The following ZNF804B variants were observed in gnomAD, a reference collection of about 807,000 sequenced individuals.
ZNF804B encodes zinc finger protein 804B.
ZNF804B carries 80 observed loss-of-function variants against 101.4 expected under a neutral mutation model. The observed-to-expected ratio is 0.79, with a 90% CI of 0.66 to 0.95. The LOEUF (loss-of-function observed/expected upper bound fraction) is 0.95, where lower values mean the gene tolerates loss of function less well. ZNF804B is among the 40% of genes least tolerant of loss of function. The probability of loss-of-function intolerance (pLI) is 0.00; values close to 1 mark genes in which losing one functional copy is unlikely to be tolerated. For missense variants in ZNF804B, 1,673 were observed against 1,561.9 expected, an observed-to-expected ratio of 1.07 and a Z score of -1.20; for synonymous variants, 622 against 558.8, an observed-to-expected ratio of 1.11 and a Z score of -1.59.
intron 2 of ZNF804B, among the ~76,000 whole-genome samples, chr7:89,320,839 T>A (rs908194799): frequency 1.1e-4 from 16 of 152,006 alleles, no homozygotes; most frequent in African/African-American, 3.6e-4. Context: ...AGAAAAAGCA[T>A]GCAACTAAAT....
intron 2 of ZNF804B, among the ~76,000 whole-genome samples, chr7:89,272,015 C>T (rs1338751813): frequency 1.3e-5 from 2 of 151,932 alleles, no homozygotes; most frequent in Non-Finnish European, 2.9e-5. Context: ...TTTTAGCTTA[C>T]AACATAAGGT....
intron 1 of ZNF804B, among the ~76,000 whole-genome samples, chr7:88,786,447 C>G (rs1190490418): frequency 6.6e-6 from 1 of 151,848 alleles, no homozygotes; most frequent in Non-Finnish European, 1.5e-5. Context: ...TTTTTTTTCT[C>G]TTTACTGAAT....
intron 2 of ZNF804B, among the ~76,000 whole-genome samples, chr7:89,220,082 C>CAT (rs372671506): frequency 0.013 from 565 of 44,088 alleles, 177 homozygotes; most frequent in Middle Eastern, 0.052. Context: ...TGTGTATATA[C>CAT]ATATATATAC....
rs539744919 is a variant in ZNF804B at position 88,884,479 on chromosome 7, C to T, written c.108+124395C>T. On this transcript the variant is annotated intron_variant, in intron 1 of 3. Coordinates refer to ENST00000333190, the MANE Select transcript of ZNF804B (RefSeq NM_181646.5). The stretch of plus-strand genomic sequence containing the variant: ...CTATCTTCTATCTATCTAATTTTGG[C>T]GTTTTATCTTAAAGTTTAAAAAAAT... 1.9e-3 allele frequency among the ~76,000 whole-genome samples: 288 copies of T among 151,486 alleles called. 2 individuals carry two copies. The highest frequency in any genetic ancestry group is 6.6e-3 in the African/African-American group (274 of 41,436).
At chr7:89,279,351 C>T (rs1790042687) in intron 2 of ZNF804B, among the ~76,000 whole-genome samples, 1 of 151,156 alleles carries the variant, frequency 6.6e-6, no homozygotes, top group Non-Finnish European at 1.5e-5. Context: ...ATTTCCTTCT[C>T]CTGCCTAATT....
chr7:89,232,992 A>G (rs943713461), intron 2 of ZNF804B, among the ~76,000 whole-genome samples: 2 of 151,690 alleles, frequency 1.3e-5, no homozygotes, highest in Non-Finnish European at 2.9e-5. Context: ...CGCGATCTCC[A>G]CTCACTGCAA....
At chr7:89,177,853 T>C (rs959014574) in intron 1 of ZNF804B, among the ~76,000 whole-genome samples, 7 of 151,680 alleles carry the variant, frequency 4.6e-5, no homozygotes, top group African/African-American at 1.2e-4. Context: ...GAGAATGGCA[T>C]GAACCTGGGA....
At chr7:89,328,572 C>T (rs1382207011) in intron 3 of ZNF804B, among the ~76,000 whole-genome samples, 1 of 151,762 alleles carries the variant, frequency 6.6e-6, no homozygotes, top group Non-Finnish European at 1.5e-5. Flanking sequence ...CAATGAGGGA[C>T]TTACAATATG....
At chr7:88,958,723 C>T (rs10486887) in intron 1 of ZNF804B, among the ~76,000 whole-genome samples, 58,146 of 151,132 alleles carry the variant, frequency 0.38, 11,767 homozygotes, top group Non-Finnish European at 0.44. Context: ...CGAAGAGTAA[C>T]TTGTTGCATT....
At position 89,014,101 on chromosome 7, in the gene ZNF804B, C is replaced by A. The variant is rs1055885877; in HGVS notation, c.109-204054C>A. Among the ~76,000 whole-genome samples, 3 of 152,150 alleles carry A rather than the reference C, an allele frequency of 2.0e-5. No homozygotes were observed. In the South Asian group the frequency reaches 6.2e-4, roughly 32 times the overall value. ...GGAATTGTTGAATCATATGGTAGTT[C>A]TATTTGTAGTTTTTTAGGAGCCTCT... On this transcript the variant is annotated intron_variant, in intron 1 of 3. Transcript: ENST00000333190.
At chr7:88,907,297 C>CT (rs1172681091) in intron 1 of ZNF804B, among the ~76,000 whole-genome samples, 2 of 151,878 alleles carry the variant, frequency 1.3e-5, no homozygotes, top group African/African-American at 4.8e-5. Flanking sequence ...GTTCTTCACT[C>CT]TATGTTTTTT....
chr7:89,214,307 G>T (rs1370087101), intron 1 of ZNF804B, among the ~76,000 whole-genome samples: 1 of 150,536 alleles, frequency 6.6e-6, no homozygotes, highest in Non-Finnish European at 1.5e-5. Context: ...TGTCAGATAA[G>T]CTTTCAAAAC....
intron 1 of ZNF804B, among the ~76,000 whole-genome samples, chr7:89,040,190 C>T (rs369024624): frequency 1.3e-5 from 2 of 151,890 alleles, no homozygotes; most frequent in South Asian, 2.1e-4. Flanking sequence ...ATTTCTTTTT[C>T]ATCTCATAAA....
intron 1 of ZNF804B, among the ~76,000 whole-genome samples, chr7:88,921,236 G>C (rs569993239): frequency 1.3e-5 from 2 of 152,140 alleles, no homozygotes; most frequent in East Asian, 3.9e-4. Flanking sequence ...GTTGGTGGAA[G>C]GAGAGGAGTG....
intron 1 of ZNF804B, among the ~76,000 whole-genome samples, chr7:88,806,214 A>T (rs958168743): frequency 1.3e-5 from 2 of 152,174 alleles, no homozygotes; most frequent in Non-Finnish European, 2.9e-5. Flanking sequence ...ATAAAGGCAA[A>T]GTTCTCAAAA....
chr7:88,818,717 C>A (rs1226590835), intron 1 of ZNF804B, among the ~76,000 whole-genome samples: 1 of 152,150 alleles, frequency 6.6e-6, no homozygotes, highest in Non-Finnish European at 1.5e-5. Flanking sequence ...TGACTTTCTC[C>A]TCTGCCACTT....
intron 1 of ZNF804B, among the ~76,000 whole-genome samples, chr7:89,196,020 C>T (rs1788544782): frequency 6.6e-6 from 1 of 152,012 alleles, no homozygotes; most frequent in Non-Finnish European, 1.5e-5. Flanking sequence ...ATTAAACTAC[C>T]ATCGACATTC....
intron 1 of ZNF804B, among the ~76,000 whole-genome samples, chr7:88,965,501 G>A (rs1208217349): frequency 6.6e-6 from 1 of 151,448 alleles, no homozygotes; most frequent in Middle Eastern, 3.2e-3. Context: ...GTGATGAGGA[G>A]CCTTATGTGA....
chr7:89,264,184 C>T (rs953439394), intron 2 of ZNF804B, among the ~76,000 whole-genome samples: 1 of 152,104 alleles, frequency 6.6e-6, no homozygotes, highest in African/African-American at 2.4e-5. Flanking sequence ...TCTGCTTTAC[C>T]AACAAACGTC....
Sources: gnomAD v4.1 joint callset for allele counts (sites outside exome capture counted in the v4.1 genomes callset) on GRCh38, gnomAD v4.1.1 for gene constraint, MANE v1.5 for transcripts, NCBI Gene and HGNC (gene_info 2026-07-23, HGNC 2026-07-21) for gene names.